Variants in NPAS3 observed in about 807,000 individuals in gnomAD.
NPAS3 encodes the protein neuronal PAS domain-containing protein 3.
In NPAS3, 14 loss-of-function variants were observed where a neutral mutation model predicts 73.1. The observed-to-expected ratio is 0.19, with a 90% CI of 0.13 to 0.30. The LOEUF is 0.30. NPAS3 is among the 10% of genes least tolerant of loss of function. The pLI is 1.00. For missense variants in NPAS3, 1,096 were observed against 1,250.0 expected (o/e 0.88, Z 1.86); for synonymous variants, 620 against 541.5 (o/e 1.14, Z -2.01).
At chr14:33,577,940 A>C (rs2056507326) in intron 5 of NPAS3, among the ~76,000 whole-genome samples, 1 of 152,218 alleles carries the variant, frequency 6.6e-6, no homozygotes, top group Non-Finnish European at 1.5e-5. Flanking sequence ...AAGGCAAATA[A>C]AAAGGAGTCT....
chr14:33,431,500 A>C (rs2048781688), intron 4 of NPAS3, among the ~76,000 whole-genome samples: 1 of 152,206 alleles, frequency 6.6e-6, no homozygotes, highest in South Asian at 2.1e-4. Context: ...AATGTGATTC[A>C]TGTATCCTGA....
chr14:33,522,255 A>G (rs1000378756), intron 4 of NPAS3, among the ~76,000 whole-genome samples: 11 of 152,152 alleles, frequency 7.2e-5, no homozygotes, highest in Admixed American at 3.3e-4. Context: ...GAAATATCAT[A>G]TTTCATATGA....
intron 4 of NPAS3, among the ~76,000 whole-genome samples, chr14:33,493,324 CTTT>C (rs202231064): frequency 7.1e-6 from 1 of 141,726 alleles, no homozygotes; most frequent in Non-Finnish European, 1.5e-5. Flanking sequence ...CTCTCTTAGT[CTTT>C]TTTTTTTTTT....
At position 33,125,816 on chromosome 14, in the gene NPAS3, ATTAC is replaced by A. The variant is rs2043405874; in HGVS notation, c.140+69830_140+69833del. 2.6e-5 allele frequency among the ~76,000 whole-genome samples: 4 copies of A among 152,194 alleles called. No individual in the cohort carries two copies. The South Asian group carries it at 8.3e-4, about 31-fold the overall frequency. Reference sequence around the variant, plus strand: ...CATGTTAGGAAAGAGGATCAAACTTATTACTTACTTAAAAATAGTAATGTTTTAG... The same window carrying A: ...CATGTTAGGAAAGAGGATCAAACTTATTACTTAAAAATAGTAATGTTTTAG... On this transcript the variant is annotated intron_variant, in intron 2 of 11. Coordinates refer to ENST00000356141, the Ensembl canonical transcript of NPAS3.
intron 4 of NPAS3, among the ~76,000 whole-genome samples, chr14:33,459,701 C>T (rs1594947804): frequency 6.6e-6 from 1 of 152,290 alleles, no homozygotes; most frequent in African/African-American, 2.4e-5. Flanking sequence ...CTCTACCTGC[C>T]TCTCTTATAG....
At chr14:33,484,600 T>C (rs2051491233) in intron 4 of NPAS3, among the ~76,000 whole-genome samples, 1 of 152,140 alleles carries the variant, frequency 6.6e-6, no homozygotes, top group Non-Finnish European at 1.5e-5. Context: ...AGGAGATAAA[T>C]AGTACATGCT....
At chr14:33,404,974 C>G (rs2047602147) in intron 4 of NPAS3, among the ~76,000 whole-genome samples, 1 of 152,076 alleles carries the variant, frequency 6.6e-6, no homozygotes, top group Admixed American at 6.6e-5. Context: ...TATTGTAATG[C>G]TTGCATCTTT....
chr14:33,551,795 TC>T (rs1566995731), intron 4 of NPAS3, among the ~76,000 whole-genome samples: 2 of 152,174 alleles, frequency 1.3e-5, no homozygotes, highest in Non-Finnish European at 2.9e-5. Context: ...TTCTTCCAAC[TC>T]ATGGGAATTT....
intron 1 of NPAS3, among the ~76,000 whole-genome samples, chr14:33,012,197 C>G (rs749227282): frequency 3.9e-5 from 6 of 152,186 alleles, no homozygotes; most frequent in Non-Finnish European, 8.8e-5. Flanking sequence ...GATACAGGAG[C>G]ACTGTGAGTT....
intron 7 of NPAS3, among the ~76,000 whole-genome samples, chr14:33,765,832 A>G (rs1461198068): frequency 5.9e-5 from 9 of 152,152 alleles, no homozygotes; most frequent in African/African-American, 2.2e-4. Context: ...CCACTGTCAT[A>G]CAGGGCACTA....
intron 11 of NPAS3, among the ~76,000 whole-genome samples, chr14:33,799,514 C>T (rs2063616879): frequency 6.6e-6 from 1 of 152,142 alleles, no homozygotes; most frequent in Non-Finnish European, 1.5e-5. Flanking sequence ...TGCTGGCCCG[C>T]ACTTTGAGTA....
At chr14:33,280,039 C>T (rs2041525145) in intron 3 of NPAS3, among the ~76,000 whole-genome samples, 1 of 152,132 alleles carries the variant, frequency 6.6e-6, no homozygotes, top group Admixed American at 6.5e-5. Context: ...TGTGTGAAGG[C>T]AAGCGTGTAT....
intron 2 of NPAS3, among the ~76,000 whole-genome samples, chr14:33,206,958 C>T (rs566152195): frequency 6.6e-5 from 10 of 152,194 alleles, no homozygotes; most frequent in East Asian, 5.8e-4. Flanking sequence ...TGTGTGCTCA[C>T]GACTCTTGTT....
At chr14:33,782,478 G>C (rs1253018441) in intron 9 of NPAS3, among the ~76,000 whole-genome samples, 1 of 152,198 alleles carries the variant, frequency 6.6e-6, no homozygotes, top group Non-Finnish European at 1.5e-5. Context: ...CCTTTGTCTA[G>C]AGAAGGAGCT....
chr14:33,411,446 G>A (rs893761562), intron 4 of NPAS3, among the ~76,000 whole-genome samples: 1 of 152,156 alleles, frequency 6.6e-6, no homozygotes, highest in Non-Finnish European at 1.5e-5. Context: ...GTTTCCCAAG[G>A]TGCTGGGATT....
intron 3 of NPAS3, among the ~76,000 whole-genome samples, chr14:33,232,752 G>T (rs1012732926): frequency 4.6e-5 from 7 of 152,010 alleles, no homozygotes; most frequent in Non-Finnish European, 1.0e-4. Context: ...ACATTTCATG[G>T]TCTTGTTCAA....
chr14:33,426,178 T>C (rs1277790343), intron 4 of NPAS3, among the ~76,000 whole-genome samples: 1 of 152,008 alleles, frequency 6.6e-6, no homozygotes, highest in Admixed American at 6.6e-5. Flanking sequence ...AGAAAGGAGA[T>C]GAGAGTGCAA....
intron 2 of NPAS3, among the ~76,000 whole-genome samples, chr14:33,126,045 A>T (rs184187218): frequency 6.6e-6 from 1 of 152,212 alleles, no homozygotes; most frequent in Non-Finnish European, 1.5e-5. Flanking sequence ...AGCTGTGTGA[A>T]TGGGCCATAG....
In NPAS3 at chr14:33,739,283, C is replaced by G. The variant is rs149182166; in HGVS notation, c.852+3951C>G. 7.0e-4 allele frequency among the ~76,000 whole-genome samples: 107 copies of G among 152,292 alleles called. 1 individual carries two copies. In the East Asian group the frequency reaches 0.018, roughly 26 times the overall value. On this transcript the variant is annotated intron_variant, in intron 7 of 11. Coordinates refer to ENST00000356141, the Ensembl canonical transcript of NPAS3. ...AAGATTCTTCAAAATAGTCCCCCAT[C>G]TGGGATGATTTGGGCATGGATTTAC...
Sources: allele counts gnomAD v4.1 joint callset (sites outside exome capture counted in the v4.1 genomes callset), GRCh38; gene constraint gnomAD v4.1.1; transcripts MANE v1.5; gene names NCBI Gene and HGNC (gene_info 2026-07-23, HGNC 2026-07-21).